The following DPP6 variants were observed in gnomAD, a reference collection of about 807,000 sequenced individuals.
DPP6 encodes A-type potassium channel modulatory protein DPP6.
DPP6 carries 69 observed loss-of-function variants against 122.6 expected under a neutral mutation model. That is an observed-to-expected ratio of 0.56 (90% CI 0.46 to 0.69). The LOEUF (loss-of-function observed/expected upper bound fraction) is 0.69. Ranked by LOEUF, DPP6 falls within the 30% of genes least tolerant of loss-of-function variation. The pLI is 0.00. For synonymous variants in DPP6, 418 were observed against 433.1 expected (o/e 0.97, Z 0.43); for missense variants, 928 against 1,116.9 (o/e 0.83, Z 2.41).
intron 7 of DPP6, among the ~76,000 whole-genome samples, chr7:154,698,533 G>T (rs1020826782): frequency 6.6e-6 from 1 of 152,146 alleles, no homozygotes; most frequent in African/African-American, 2.4e-5. Context: ...TTTTTAAAAA[G>T]ATCTCTGCTA....
Position 154,225,730 on chromosome 7 carries a change from G to T in DPP6, c.243+172667G>T, listed in dbSNP as rs1585676055. On this transcript the variant is annotated intron_variant, in intron 1 of 25. Transcript: ENST00000377770. ...AATAGCCTGATATTTAAAGAACAGA[G>T]ACATTTACTAACTTTTCTAAAGTTA... Among the ~76,000 whole-genome samples the T allele has an allele frequency of 4.6e-5, 7 of 152,232 alleles. No homozygotes were observed. In the East Asian group the frequency reaches 1.4e-3, roughly 29 times the overall value.
intron 1 of DPP6, among the ~76,000 whole-genome samples, chr7:154,306,103 T>C (rs533198685): frequency 3.9e-5 from 6 of 152,288 alleles, no homozygotes; most frequent in African/African-American, 1.4e-4. Context: ...AAACTGTCCC[T>C]GCTAGAGAAG....
chr7:154,834,044 G>T (rs1472693883), intron 16 of DPP6, among the ~76,000 whole-genome samples: 1 of 152,142 alleles, frequency 6.6e-6, no homozygotes, highest in Non-Finnish European at 1.5e-5. Context: ...ACAAGATGAA[G>T]AAACAACTCA....
intron 6 of DPP6, among the ~76,000 whole-genome samples, chr7:154,653,037 G>A (rs2131001370): frequency 6.6e-6 from 1 of 152,282 alleles, no homozygotes; most frequent in South Asian, 2.1e-4. Context: ...CCAGGCTGGG[G>A]TCTCATGGCT....
intron 1 of DPP6, among the ~76,000 whole-genome samples, chr7:154,382,732 T>C (rs946048842): frequency 5.9e-5 from 9 of 152,086 alleles, no homozygotes; most frequent in Admixed American, 2.6e-4. Flanking sequence ...AGTATTCCTT[T>C]TTGTTTGTTT....
At chr7:153,868,707 A>G in the DPP6 span, among the ~76,000 whole-genome samples, 1 of 151,770 alleles carries the variant, frequency 6.6e-6, no homozygotes, top group Non-Finnish European at 1.5e-5. Context: ...TTGAATGTGT[A>G]TGCTCTTGCT....
intron 1 of DPP6, among the ~76,000 whole-genome samples, chr7:153,919,010 A>G (rs1800511145): frequency 6.7e-6 from 1 of 150,302 alleles, no homozygotes; most frequent in African/African-American, 2.4e-5. Context: ...AAATTTGAGT[A>G]ATAAAATCAG....
At chr7:153,767,879 C>A in the DPP6 span, among the ~76,000 whole-genome samples, 1 of 152,084 alleles carries the variant, frequency 6.6e-6, no homozygotes, top group East Asian at 1.9e-4. Context: ...ATACCTGGAA[C>A]GGATGTGTCC....
chr7:153,844,299 A>C, the DPP6 span, among the ~76,000 whole-genome samples: 9 of 152,364 alleles, frequency 5.9e-5, no homozygotes, highest in African/African-American at 2.2e-4. Context: ...AATGAACCAT[A>C]GCAATCATGG....
intron 5 of DPP6, among the ~76,000 whole-genome samples, chr7:154,627,433 C>T (rs937682078): frequency 2.0e-5 from 3 of 151,136 alleles, no homozygotes; most frequent in African/African-American, 7.3e-5. Context: ...CTCTTGACCT[C>T]GTGATCCACC....
the DPP6 span, among the ~76,000 whole-genome samples, chr7:153,796,919 GC>G: frequency 1.3e-5 from 2 of 152,178 alleles, no homozygotes; most frequent in African/African-American, 2.4e-5. Context: ...TTGAAGAGAT[GC>G]CACCTTCAAA....
rs184981097 is a variant in DPP6, at chr7:154,281,519, A to G, written c.244-164695A>G. Among the ~76,000 whole-genome samples the G allele has an allele frequency of 4.6e-3, 694 of 152,258 alleles. 6 individuals carry two copies. Among genetic ancestry groups the G allele is most frequent in the African/African-American group, 0.016 (654 of 41,538 alleles). On this transcript the variant is annotated intron_variant, in intron 1 of 25. Transcript: ENST00000377770. ...GAACACAAACAGTATTGCAAAACTTAACACCACCACTGTTTGTTGTAAATT... is the reference window on the plus strand; with the variant it reads ...GAACACAAACAGTATTGCAAAACTTGACACCACCACTGTTTGTTGTAAATT...
Position 154,673,122 on chromosome 7 carries a change from C to T in DPP6, c.762+3681C>T, listed in dbSNP as rs114693590. Among the ~76,000 whole-genome samples, 647 of 152,246 alleles carry T rather than the reference C, an allele frequency of 4.2e-3. 4 individuals are homozygous for T. The highest frequency in any genetic ancestry group is 0.014 in the African/African-American group (584 of 41,528). Reference sequence around the variant, plus strand: ...CAACTCAAGAGCAGGCCTTGCAAGCCCTAACCTATTAAGTGATGCCAAGCA... The same window carrying T: ...CAACTCAAGAGCAGGCCTTGCAAGCTCTAACCTATTAAGTGATGCCAAGCA... On this transcript the variant is annotated intron_variant, in intron 7 of 25. Coordinates refer to ENST00000377770, the MANE Select transcript of DPP6 (RefSeq NM_130797.4).
chr7:153,875,707 C>G, the DPP6 span, among the ~76,000 whole-genome samples: 1 of 151,650 alleles, frequency 6.6e-6, no homozygotes, highest in Non-Finnish European at 1.5e-5. Context: ...TGTTTAATAA[C>G]AGGCTAATTT....
At chr7:154,329,053 T>C (rs1808691372) in intron 1 of DPP6, among the ~76,000 whole-genome samples, 2 of 152,232 alleles carry the variant, frequency 1.3e-5, no homozygotes, top group Admixed American at 6.5e-5. Flanking sequence ...CAATTTTGAA[T>C]GAGAAGTGGA....
intron 1 of DPP6, among the ~76,000 whole-genome samples, chr7:154,307,304 T>C (rs906123651): frequency 1.3e-5 from 2 of 152,192 alleles, no homozygotes; most frequent in African/African-American, 2.4e-5. Context: ...CCCATGTCCT[T>C]GAACCTATTC....
At position 154,867,856 on chromosome 7, in the gene DPP6, T is replaced by G. The variant is rs56243497; in HGVS notation, c.1715-139T>G. 208,719 of 1,200,080 alleles carry G rather than the reference T, an allele frequency of 0.17. 30,403 individuals carry two copies. Among genetic ancestry groups the G allele is most frequent in the African/African-American group, 0.73 (47,173 of 64,264 alleles). The allele number at this position is 1,200,080 out of a possible 1,614,324, so 74.3% of individuals were successfully genotyped here. On this transcript the variant is annotated intron_variant, in intron 17 of 25. Transcript: ENST00000377770. ...CGTGTTTTTTAATGCCCAGTTTCTTTTTCTGTACACTAGAAATAATAATAA... is the reference window on the plus strand; with the variant it reads ...CGTGTTTTTTAATGCCCAGTTTCTTGTTCTGTACACTAGAAATAATAATAA...
rs1030266377 is a variant in DPP6 at position 153,948,235 on chromosome 7, T to A, written c.51+60501T>A. Among the ~76,000 whole-genome samples, 6 of 152,240 alleles carry A rather than the reference T, an allele frequency of 3.9e-5. 1 individual carries two copies. Among genetic ancestry groups the A allele is most frequent in the African/African-American group, 7.2e-5 (3 of 41,460 alleles). On this transcript the variant is annotated intron_variant, in intron 1 of 25. Transcript: ENST00000404039. Reference sequence around the variant, plus strand: ...ATAAAGTCCAATACTGTGGCCATATTGCTTTCTGTCACCAGCAGGTGGCAT... The same window carrying A: ...ATAAAGTCCAATACTGTGGCCATATAGCTTTCTGTCACCAGCAGGTGGCAT...
chr7:154,395,676 A>T (rs1246290570), intron 1 of DPP6, among the ~76,000 whole-genome samples: 1 of 152,100 alleles, frequency 6.6e-6, no homozygotes, highest in Non-Finnish European at 1.5e-5. Context: ...TTTATATATA[A>T]AATTGTATCA....
Sources: allele counts gnomAD v4.1 joint callset (sites outside exome capture counted in the v4.1 genomes callset), GRCh38; gene constraint gnomAD v4.1.1; transcripts MANE v1.5; gene names NCBI Gene and HGNC (gene_info 2026-07-23, HGNC 2026-07-21).